Variants in PTPRT observed in about 807,000 individuals in gnomAD.
PTPRT encodes protein tyrosine phosphatase receptor type T, also known as receptor-type tyrosine-protein phosphatase T.
In PTPRT, 56 loss-of-function variants were observed where a neutral mutation model predicts 176.8. The observed-to-expected ratio is 0.32, with a 90% confidence interval of 0.26 to 0.40. PTPRT has a LOEUF of 0.40. Among genes scored for constraint, PTPRT ranks in the 10% least tolerant of loss-of-function variants. The probability of loss-of-function intolerance (pLI) is 1.00; values close to 1 mark genes in which losing one functional copy is unlikely to be tolerated. For missense variants in PTPRT, 1,540 were observed against 1,908.2 expected (o/e 0.81, Z 3.60); for synonymous variants, 783 against 739.0 (o/e 1.06, Z -0.96).
At chr20:42,960,895 A>G (rs141239021) in intron 1 of PTPRT, among the ~76,000 whole-genome samples, 9 of 152,310 alleles carry the variant, frequency 5.9e-5, no homozygotes, top group South Asian at 4.1e-4. Flanking sequence ...AGAATGAAAA[A>G]CTATAACCAA....
rs150074919 is a variant in PTPRT, at chr20:42,581,182, G to A, written c.1153+96684C>T. ...CCTCCCTTCTTCCTCCACCCTTCATGATCCACGCGACTAAATCTCTCTCAT... is the reference window on the plus strand; with the variant it reads ...CCTCCCTTCTTCCTCCACCCTTCATAATCCACGCGACTAAATCTCTCTCAT... On this transcript the variant is annotated intron_variant, in intron 7 of 30. Transcript: ENST00000373187. Among the ~76,000 whole-genome samples, 1,396 of 152,146 alleles carry A rather than the reference G, an allele frequency of 9.2e-3. 17 individuals carry two copies. Among genetic ancestry groups the A allele is most frequent in the Middle Eastern group, 0.024 (7 of 294 alleles).
intron 15 of PTPRT, among the ~76,000 whole-genome samples, chr20:42,205,082 G>A (rs376859877): frequency 9.1e-6 from 1 of 109,764 alleles, no homozygotes; most frequent in African/African-American, 3.5e-5. Context: ...GGTGGGGGGA[G>A]GGGGGAGGGA....
chr20:42,818,215 C>A (rs1347557124), intron 2 of PTPRT, among the ~76,000 whole-genome samples: 1 of 152,066 alleles, frequency 6.6e-6, no homozygotes, highest in African/African-American at 2.4e-5. Flanking sequence ...CATCTCCAGG[C>A]ACAGGAGCAA....
chr20:42,876,095 T>C (rs759539866), intron 2 of PTPRT, among the ~76,000 whole-genome samples: 5 of 152,114 alleles, frequency 3.3e-5, no homozygotes, highest in African/African-American at 1.2e-4. Context: ...CACATCAATA[T>C]GTTAATGGTG....
intron 2 of PTPRT, among the ~76,000 whole-genome samples, chr20:42,814,867 G>A (rs2077756897): frequency 1.3e-5 from 2 of 152,060 alleles, no homozygotes; most frequent in East Asian, 1.9e-4. Context: ...CAAGCTTGTG[G>A]GAAGAACCCA....
chr20:42,178,581 G>C (rs1990388718), intron 16 of PTPRT, among the ~76,000 whole-genome samples: 1 of 152,114 alleles, frequency 6.6e-6, no homozygotes, highest in Non-Finnish European at 1.5e-5. Context: ...CCCAACCACA[G>C]CAGCTTAAAA....
intron 7 of PTPRT, among the ~76,000 whole-genome samples, chr20:42,585,295 T>C (rs1011477119): frequency 3.9e-5 from 6 of 152,340 alleles, no homozygotes; most frequent in South Asian, 2.1e-4. Flanking sequence ...ATAGATGTTT[T>C]CTTTTGTTAT....
chr20:42,453,353 C>T (rs2070865270), intron 8 of PTPRT, among the ~76,000 whole-genome samples: 1 of 151,704 alleles, frequency 6.6e-6, no homozygotes. Context: ...AAATGTTTTT[C>T]TTTTATTTCT....
intron 13 of PTPRT, chr20:42,270,473 T>C: frequency 6.4e-7 from 1 of 1,550,574 alleles, no homozygotes; most frequent in Non-Finnish European, 8.7e-7. Flanking sequence ...AGGAAGCCAG[T>C]CCCCAGGCAG....
intron 4 of PTPRT, among the ~76,000 whole-genome samples, chr20:42,775,750 C>T (rs1004069380): frequency 1.3e-5 from 2 of 152,116 alleles, no homozygotes; most frequent in Admixed American, 6.5e-5. Flanking sequence ...CTCCCTGGAA[C>T]TTTTGGAATA....
At chr20:42,679,309 A>C (rs1355987041) in intron 6 of PTPRT, among the ~76,000 whole-genome samples, 1 of 152,172 alleles carries the variant, frequency 6.6e-6, no homozygotes, top group Non-Finnish European at 1.5e-5. Flanking sequence ...AAAAAAAAAA[A>C]AACTGACAAC....
chr20:43,161,697 T>A (rs2014705301), intron 1 of PTPRT, among the ~76,000 whole-genome samples: 1 of 151,934 alleles, frequency 6.6e-6, no homozygotes. Context: ...TGTTCCTGAT[T>A]TTTTTTTAAA....
At chr20:42,085,914 C>T (rs1983849497) in intron 27 of PTPRT, 61 bp from the exon 28 acceptor site, 1 of 1,464,784 alleles carries the variant, frequency 6.8e-7, no homozygotes, top group Admixed American at 2.2e-5. Flanking sequence ...ATCAAAGTCT[C>T]ATTTATCAAC....
chr20:42,440,957 C>G (rs916898918), intron 9 of PTPRT, among the ~76,000 whole-genome samples: 2 of 152,134 alleles, frequency 1.3e-5, no homozygotes, highest in Non-Finnish European at 2.9e-5. Context: ...ATGAAGCTCC[C>G]CTATGTTATG....
chr20:42,263,895 G>A (rs912044447), intron 13 of PTPRT, among the ~76,000 whole-genome samples: 1 of 152,020 alleles, frequency 6.6e-6, no homozygotes, highest in Non-Finnish European at 1.5e-5. Flanking sequence ...GGGGATTGAT[G>A]TAAAGACATG....
chr20:43,061,911 T>C (rs1025836379), intron 1 of PTPRT, among the ~76,000 whole-genome samples: 5 of 152,202 alleles, frequency 3.3e-5, no homozygotes, highest in African/African-American at 9.6e-5. Flanking sequence ...ATTTAAAACA[T>C]GACAGTGGAG....
intron 14 of PTPRT, among the ~76,000 whole-genome samples, chr20:42,248,022 C>T (rs1028282756): frequency 2.0e-5 from 3 of 152,136 alleles, no homozygotes; most frequent in South Asian, 2.1e-4. Flanking sequence ...TGCATGCTTT[C>T]GTGAGAAATG....
chr20:42,277,399 C>A (rs540854068), intron 13 of PTPRT, among the ~76,000 whole-genome samples: 1 of 152,202 alleles, frequency 6.6e-6, no homozygotes, highest in Admixed American at 6.5e-5. Flanking sequence ...CAGCTGTGTT[C>A]CCTTGACGGC....
intron 1 of PTPRT, among the ~76,000 whole-genome samples, chr20:43,033,530 T>G (rs1568744352): frequency 6.6e-6 from 1 of 152,208 alleles, no homozygotes; most frequent in Non-Finnish European, 1.5e-5. Flanking sequence ...CATCTGCTTC[T>G]GGACTCCTTC....
Sources: allele counts gnomAD v4.1 joint callset (sites outside exome capture counted in the v4.1 genomes callset), GRCh38; gene constraint gnomAD v4.1.1; transcripts MANE v1.5; gene names NCBI Gene and HGNC (gene_info 2026-07-23, HGNC 2026-07-21).